DHX29: variants seen among roughly 807,000 people sequenced by gnomAD.
DHX29 encodes the protein DExH-box helicase 29, also known as ATP-dependent RNA helicase DHX29.
Under a neutral mutation model 167.9 loss-of-function variants are expected in DHX29, and 79 were observed. The ratio of observed to expected loss-of-function variants is 0.47; its 90% confidence interval spans 0.39 to 0.57. The LOEUF (loss-of-function observed/expected upper bound fraction) is 0.57. Ranked by LOEUF, DHX29 falls within the 20% of genes least tolerant of loss-of-function variation. DHX29 has a pLI of 0.00. For missense variants in DHX29, 1,347 were observed against 1,593.4 expected, an observed-to-expected ratio of 0.85 and a Z score of 2.63; for synonymous variants, 530 against 546.0, an observed-to-expected ratio of 0.97 and a Z score of 0.41.
chr5:55,256,718 A>G (rs1417715860), intron 26 of DHX29, among the ~76,000 whole-genome samples, 178 bp from the exon 27 acceptor site: 1 of 152,212 alleles, frequency 6.6e-6, no homozygotes, highest in East Asian at 1.9e-4. Flanking sequence ...CATAGATTTT[A>G]TTGCTGTAGG....
At chr5:55,262,527 A>G in intron 24 of DHX29, 103 bp downstream of exon 24, 1 of 1,406,754 alleles carries the variant, frequency 7.1e-7, no homozygotes, top group African/African-American at 1.4e-5. Context: ...TGAATAGCTC[A>G]ATTTGAGAAC....
chr5:55,286,114 C>T (rs115234588), intron 8 of DHX29, among the ~76,000 whole-genome samples: 5,754 of 151,900 alleles, frequency 0.038, 137 homozygotes, highest in Middle Eastern at 0.058. Context: ...AATTATTCGG[C>T]GTGGTGGCGG....
chr5:55,298,214 A>C (rs1315015643), intron 2 of DHX29, among the ~76,000 whole-genome samples: 4 of 152,224 alleles, frequency 2.6e-5, no homozygotes, highest in African/African-American at 9.6e-5. Context: ...CAGAGAGTAC[A>C]TGGGTAAAAG....
chr5:55,276,892 C>A (rs954664971), intron 13 of DHX29, among the ~76,000 whole-genome samples: 1 of 152,148 alleles, frequency 6.6e-6, no homozygotes, highest in African/African-American at 2.4e-5. Flanking sequence ...TTAGCCCTCA[C>A]TGCTGTCTTG....
chr5:55,272,098 T>G lies in DHX29; in HGVS notation c.2853A>C (p.Thr951=). The G allele has an allele frequency of 6.4e-7, 1 of 1,573,028 alleles. No homozygotes were observed. Among genetic ancestry groups the G allele is most frequent in the Non-Finnish European group, 8.7e-7 (1 of 1,154,260 alleles). Residue 951 remains threonine, a synonymous_variant, in exon 18 of 27, where the codon ACA becomes ACC. Coordinates refer to ENST00000251636, the MANE Select transcript of DHX29 (RefSeq NM_019030.4). Reference sequence around the variant, plus strand: ...AAATTTAAACTTACTTATTTTCTTTTGTTCTTCCAGTATCAATTACAAATA... The same window carrying G: ...AAATTTAAACTTACTTATTTTCTTTGGTTCTTCCAGTATCAATTACAAATA... ...DVVFVIDTGR[T]KENKYHESSQ...
intron 26 of DHX29, among the ~76,000 whole-genome samples, chr5:55,259,185 C>G (rs917692405): frequency 6.6e-6 from 1 of 151,996 alleles, no homozygotes; most frequent in Non-Finnish European, 1.5e-5. Flanking sequence ...TACCAGTTTA[C>G]TAAAATGCTA....
At chr5:55,303,946 C>G (rs1200267572) in intron 1 of DHX29, among the ~76,000 whole-genome samples, 1 of 152,154 alleles carries the variant, frequency 6.6e-6, no homozygotes, top group Non-Finnish European at 1.5e-5. Flanking sequence ...TTCTTATTCC[C>G]CTCTTAAAAT....
At chr5:55,285,627 A>C in intron 9 of DHX29, 69 bp downstream of exon 9, 1 of 1,472,978 alleles carries the variant, frequency 6.8e-7, no homozygotes, top group South Asian at 1.5e-5. Flanking sequence ...AGGGAACAAA[A>C]AGATTTCCAC....
At chr5:55,281,337 T>C in intron 12 of DHX29, 35 bp downstream of exon 12, 3 of 1,459,426 alleles carry the variant, frequency 2.1e-6, no homozygotes, top group Non-Finnish European at 2.7e-6. Flanking sequence ...CAAAAATATT[T>C]CAAATTTTTG....
intron 4 of DHX29, 55 bp from the exon 5 acceptor site, chr5:55,295,579 C>CACAAATGCTTA: frequency 6.4e-7 from 1 of 1,559,356 alleles, no homozygotes; most frequent in Non-Finnish European, 8.7e-7. Flanking sequence ...ACATAAAACA[C>CACAAATGCTTA]ACAAATATTT....
rs200043594 is a variant in DHX29, at chr5:55,279,736, TTG to T, written c.2109+1634_2109+1635del. On this transcript the variant is annotated intron_variant, in intron 12 of 26. Coordinates refer to ENST00000251636, the MANE Select transcript of DHX29 (RefSeq NM_019030.4). The stretch of plus-strand genomic sequence containing the variant: ...TTTGTTTTGTTTTGTTTTGCTGTTT[TTG>T]TTTTTTTTTTTTGGAGAGAGGGGGT... The T allele has an allele frequency of 1.9e-4, 29 of 151,146 alleles. 1 individual carries two copies. Among genetic ancestry groups the T allele is most frequent in the East Asian group, 1.4e-3 (7 of 4,848 alleles). The allele number at this position is 151,146 out of a possible 1,614,324, so 9.4% of individuals were successfully genotyped here.
chr5:55,296,617 A>G (rs1202657310), intron 3 of DHX29, among the ~76,000 whole-genome samples: 24 of 152,188 alleles, frequency 1.6e-4, no homozygotes, highest in Admixed American at 1.6e-3. Flanking sequence ...ATTTTTCCAT[A>G]ATTTTGTAAA....
At position 55,281,455 on chromosome 5, in the gene DHX29, G is replaced by A. The variant is rs529252087; in HGVS notation, c.2026C>T (p.Leu676Phe). 21 of 1,598,212 alleles carry A rather than the reference G, an allele frequency of 1.3e-5. 1 individual carries two copies. The Middle Eastern group carries it at 5.0e-4, about 38-fold the overall frequency. Residue 676 changes from leucine (L) to phenylalanine (F), a missense_variant, in exon 12 of 27, where the codon CTC becomes TTC. Physicochemically the swap from Leu to Phe is conservative, Grantham distance 22. This residue lies in a region of DHX29 where 882 missense variants were observed against 1,082.4 expected (regional missense o/e 0.81). Coordinates refer to ENST00000251636, the MANE Select transcript of DHX29 (RefSeq NM_019030.4). ...ESRACESTRL[L>F]YCTTGVLLRK... ...AGCAAAACCCCTGTTGTACAATAGA[G>A]TAACCTGGTAGATTCACAAGCTCGA...
chr5:55,274,086 CAAAA>C (rs201970753), intron 16 of DHX29, among the ~76,000 whole-genome samples: 3 of 73,810 alleles, frequency 4.1e-5, no homozygotes. Flanking sequence ...GACTCTGCCT[CAAAA>C]AAAAAAAAAA....
intron 1 of DHX29, among the ~76,000 whole-genome samples, chr5:55,303,650 T>C (rs1748714399): frequency 6.6e-6 from 1 of 152,220 alleles, no homozygotes; most frequent in Admixed American, 6.5e-5. Context: ...TTTTTCTTTC[T>C]TCGCTCCAGC....
rs377573017 is a variant in DHX29, at chr5:55,277,252, G to A, written c.2140C>T (p.Leu714=). The change falls in exon 13 of 27, where the codon CTA becomes TTA. Residue 714 remains leucine (L), a synonymous_variant. Transcript: ENST00000251636. Reference sequence around the variant, plus strand: ...AAAATTTCCTTCAAGATAATTAGTAGGAAGTCTGACTGGACACTTCTTTCA... The same window carrying A: ...AAAATTTCCTTCAAGATAATTAGTAAGAAGTCTGACTGGACACTTCTTTCA... The part of the protein sequence containing the change: ...VHERSVQSDF[L]LIILKEILQK... 1.2e-6 allele frequency: 2 copies of A among 1,608,676 alleles called. No individual in the cohort carries two copies. The highest frequency in any genetic ancestry group is 2.2e-5 in the South Asian group (2 of 90,254).
intron 14 of DHX29, 82 bp from the exon 15 acceptor site, chr5:55,275,092 GCATT>G: frequency 6.8e-7 from 1 of 1,461,990 alleles, no homozygotes; most frequent in Non-Finnish European, 9.3e-7. Flanking sequence ...GGCGGTATTT[GCATT>G]CATTCAAATC....
intron 14 of DHX29, among the ~76,000 whole-genome samples, chr5:55,275,615 G>A (rs112534152): frequency 8.5e-5 from 13 of 152,182 alleles, no homozygotes; most frequent in African/African-American, 3.1e-4. Context: ...CAAAAATGCT[G>A]GATCTAGTAC....
chr5:55,269,333 C>T (rs1378880777), intron 21 of DHX29, 80 bp downstream of exon 21: 9 of 1,394,666 alleles, frequency 6.5e-6, no homozygotes, highest in Non-Finnish European at 7.8e-6. Flanking sequence ...AAAATTTTTA[C>T]TTAACAATTG....
Sources: allele counts gnomAD v4.1 joint callset (sites outside exome capture counted in the v4.1 genomes callset), GRCh38; gene constraint gnomAD v4.1.1; regional missense constraint gnomAD v4.1.1; transcripts MANE v1.5; gene names NCBI Gene and HGNC (gene_info 2026-07-23, HGNC 2026-07-21).